The following DCTN1 variants were observed in gnomAD, a reference collection of about 807,000 sequenced individuals.
DCTN1 encodes the protein dynactin subunit 1, also known as 150 kDa dynein-associated polypeptide.
In DCTN1, 61 loss-of-function variants were observed where a neutral mutation model predicts 161.2. The observed-to-expected ratio is 0.38, with a 90% CI of 0.31 to 0.47. The LOEUF is 0.47. DCTN1 is among the 20% of genes least tolerant of loss of function. The probability of loss-of-function intolerance (pLI) is 0.99; values close to 1 mark genes in which losing one functional copy is unlikely to be tolerated. For missense variants in DCTN1, 1,404 were observed against 1,623.7 expected (o/e 0.86, Z 2.33); for synonymous variants, 653 against 632.4 (o/e 1.03, Z -0.49).
At position 74,366,332 on chromosome 2, in the gene DCTN1, T is replaced by G. The variant is rs745930926; in HGVS notation, c.2672A>C (p.Gln891Pro). 6.2e-7 allele frequency: 1 copy of G among 1,614,212 alleles called. No homozygotes were observed. Among genetic ancestry groups the G allele is most frequent in the East Asian group, 2.2e-5 (1 of 44,872 alleles). ...GGTACTGATGAGGATGTTGCATGAC[T>G]GGCGCAGACACTCATAGGGGCTGCT... ...PSSSPYECLR[Q>P]SCNILISTMN... The change falls in exon 23 of 32, where the codon CAG becomes CCG. Residue 891 changes from glutamine (Q) to proline (P), a missense_variant. By Grantham distance (76) the Gln-to-Pro change is moderately conservative. Transcript: ENST00000628224.
At chr2:74,390,281 CG>C (rs1675933900) in intron 1 of DCTN1, among the ~76,000 whole-genome samples, 1 of 152,208 alleles carries the variant, frequency 6.6e-6, no homozygotes, top group Non-Finnish European at 1.5e-5. Flanking sequence ...TTTAGGAAGA[CG>C]GGTAACACTT....
Position 74,366,390 on chromosome 2 carries a change from G to T in DCTN1, c.2629-15C>A. On this transcript the variant is annotated splice_polypyrimidine_tract_variant and intron_variant, in intron 22 of 31. Coordinates refer to ENST00000628224, the MANE Select transcript of DCTN1 (RefSeq NM_004082.5). ...GTCCCATAGATCTGCAGGAGCCAAGGGCAGAAGTAAAAGCCCCACACTGGT... is the reference window on the plus strand; with the variant it reads ...GTCCCATAGATCTGCAGGAGCCAAGTGCAGAAGTAAAAGCCCCACACTGGT... The T allele has an allele frequency of 6.2e-7, 1 of 1,614,136 alleles. No individual in the cohort carries two copies. Among genetic ancestry groups the T allele is most frequent in the South Asian group, 1.1e-5 (1 of 91,082 alleles).
chr2:74,363,365 G>C lies in DCTN1; in HGVS notation c.3274C>G (p.Leu1092Val). Residue 1092 changes from leucine to valine, a missense_variant, in exon 28 of 32, where the codon CTG (leucine) becomes GTG (valine). This residue lies in a region of DCTN1 where 311 missense variants were observed against 298.9 expected (regional missense o/e 1.04). Transcript: ENST00000628224. ...ATGGCAGAGATCTGCTGAAGCAGCA[G>C]TGGTGAGTCCTTCACCAGCCCTGGG... ...PGPGLVKDSP[L>V]LLQQISAMRL... 6.2e-7 allele frequency: 1 copy of C among 1,612,754 alleles called. No homozygotes were observed. Among genetic ancestry groups the C allele is most frequent in the Non-Finnish European group, 8.5e-7 (1 of 1,179,584 alleles).
Position 74,380,144 on chromosome 2 carries a change from A to G in DCTN1, c.-107T>C. ...GCGCTGGGCCCTCATAGAGGGACAC[A>G]GGAGTCGTCAGGCACAGCCCTCCCC... On this transcript the variant is annotated 5_prime_UTR_variant, in exon 1 of 32. Coordinates refer to ENST00000628224, the MANE Select transcript of DCTN1 (RefSeq NM_004082.5). 1 of 1,209,574 alleles carries G rather than the reference A, an allele frequency of 8.3e-7. No individual in the cohort carries two copies. The allele number at this position is 1,209,574 out of a possible 1,614,324, so 74.9% of individuals were successfully genotyped here.
At chr2:74,372,269 T>C (rs1674920491) in intron 7 of DCTN1, among the ~76,000 whole-genome samples, 1 of 152,118 alleles carries the variant, frequency 6.6e-6, no homozygotes, top group Non-Finnish European at 1.5e-5. Context: ...TCAAGCTGAA[T>C]CTCCCTCTCT....
At position 74,375,447 on chromosome 2, in the gene DCTN1, G is replaced by C. The variant is rs536579967; in HGVS notation, c.415-1107C>G. On this transcript the variant is annotated intron_variant, in intron 5 of 31. Transcript: ENST00000628224. ...CCGGGGTGGGGGCACTCAACTGTCT[G>C]ATTGACACTTTCCAACGTGAGTGCA... 3.9e-5 allele frequency among the ~76,000 whole-genome samples: 6 copies of C among 152,340 alleles called. No homozygotes were observed. In the South Asian group the frequency reaches 1.2e-3, roughly 32 times the overall value.
chr2:74,367,053 A>G lies in DCTN1; in HGVS notation c.2308T>C (p.Phe770Leu). 1.2e-6 allele frequency: 2 copies of G among 1,614,218 alleles called. No homozygotes were observed. Among genetic ancestry groups the G allele is most frequent in the Non-Finnish European group, 1.7e-6 (2 of 1,180,032 alleles). The part of the protein sequence containing the change: ...MSVEVGRLRA[F>L]LQGGQEATDI... ...TCTAGATGTGTTCTCACCTGCAAGA[A>G]GGCACGCAGCCGTCCTACCTCCACA... The change falls in exon 20 of 32, where the codon TTC becomes CTC. Residue 770 changes from phenylalanine (F) to leucine (L), a missense_variant. By Grantham distance (22) the Phe-to-Leu change is conservative. This residue lies in a region of DCTN1 where 475 missense variants were observed against 489.8 expected (regional missense o/e 0.97). Transcript: ENST00000628224.
chr2:74,376,757 T>C lies in DCTN1; in HGVS notation c.399A>G (p.Gly133=), dbSNP rs1477266378. ...AACACACCACCTTCTTAGGCTTCAG[T>C]CCCCGCTGCATGAGGAGTAGGAAAG... The part of the protein sequence containing the change: ...DTTAKTSKLR[G]LKPKKAPTAR... The change falls in exon 5 of 32, where the codon GGA becomes GGG. Residue 133 remains glycine, a synonymous_variant. Coordinates refer to ENST00000628224, the MANE Select transcript of DCTN1 (RefSeq NM_004082.5). 6.2e-7 allele frequency: 1 copy of C among 1,604,830 alleles called. No individual in the cohort carries two copies. Among genetic ancestry groups the C allele is most frequent in the African/African-American group, 1.3e-5 (1 of 74,850 alleles).
At position 74,370,735 on chromosome 2, in the gene DCTN1, C is replaced by G; in HGVS notation, c.934G>C (p.Glu312Gln). ...DAIEMATLDKEMAEERAESLQ... is the reference protein window; with the variant it reads ...DAIEMATLDKQMAEERAESLQ... ...GACTCAGCCCGCTCTTCAGCCATCT[C>G]CTTGTCCAAAGTGGCCATCTCAATG... Residue 312 changes from glutamate (E) to glutamine (Q), a missense_variant, in exon 10 of 32, where the codon GAG becomes CAG. Physicochemically the swap from Glu to Gln is conservative, Grantham distance 29 (BLOSUM62 2). Around this residue, in one of 9 missense-constraint regions of DCTN1, gnomAD observed 5 missense variants for 23.4 expected, o/e 0.21. Coordinates refer to ENST00000628224, the MANE Select transcript of DCTN1 (RefSeq NM_004082.5). The surrounding 1 kb of genome is among the most constrained non-coding windows in gnomAD (Gnocchi z 4.4). The G allele has an allele frequency of 6.2e-7, 1 of 1,614,236 alleles. No individual in the cohort carries two copies. The highest frequency in any genetic ancestry group is 8.5e-7 in the Non-Finnish European group (1 of 1,180,054).
At chr2:74,371,801 T>C (rs1573166983) in intron 7 of DCTN1, 73 bp from the exon 8 acceptor site, 2 of 1,208,430 alleles carry the variant, frequency 1.7e-6, no homozygotes, top group Non-Finnish European at 2.4e-6. Context: ...AGAAACAGAA[T>C]ATGAGAATAT....
intron 26 of DCTN1, chr2:74,363,897 A>G: frequency 1.8e-6 from 1 of 544,898 alleles, no homozygotes; most frequent in Non-Finnish European, 3.3e-6. Flanking sequence ...TGCACTGTAC[A>G]AAGTACTTGG....
upstream of DCTN1, among the ~76,000 whole-genome samples, chr2:74,382,594 C>CAAAAAAAAAAAAAA (rs567355218): frequency 3.0e-5 from 2 of 66,970 alleles, no homozygotes; most frequent in Non-Finnish European, 3.3e-5. Flanking sequence ...GACTGAGACT[C>CAAAAAAAAAAAAAA]AAAAAAAAAA....
At chr2:74,383,357 T>C (rs751323314), upstream of DCTN1, among the ~76,000 whole-genome samples, 6 of 152,236 alleles carry the variant, frequency 3.9e-5, no homozygotes, top group Non-Finnish European at 5.9e-5. Flanking sequence ...AAACATTTAT[T>C]GAATAACATT....
At chr2:74,377,798 C>T (rs151329369) in intron 2 of DCTN1, 72 bp from the exon 3 acceptor site, 194 of 1,513,964 alleles carry the variant, frequency 1.3e-4, no homozygotes, top group Non-Finnish European at 1.7e-4. Context: ...GTAATATGGG[C>T]CCCTCCCCAG....
chr2:74,374,982 C>A (rs900011354), intron 5 of DCTN1, among the ~76,000 whole-genome samples: 17 of 152,326 alleles, frequency 1.1e-4, no homozygotes, highest in South Asian at 4.1e-4. Flanking sequence ...CAGTCTCTCT[C>A]ATCATACTCA....
intron 1 of DCTN1, among the ~76,000 whole-genome samples, chr2:74,389,326 G>C (rs187093824): frequency 6.6e-6 from 1 of 152,182 alleles, no homozygotes; most frequent in African/African-American, 2.4e-5. Context: ...ACATCTTCAG[G>C]GGACACTGAG....
Position 74,378,223 on chromosome 2 carries a change from C to G in DCTN1, c.56G>C (p.Ser19Thr), listed in dbSNP as rs1558949233. ...YSRTPSGSRM[S>T]AEASARPLRV... is the part of the protein sequence containing the mutation. Reference sequence around the variant, plus strand: ...CAGAGGCCGGGCGCTTGCCTCCGCACTCATCCTGCTGCCGCTGGGCGTCTG... The same window carrying G: ...CAGAGGCCGGGCGCTTGCCTCCGCAGTCATCCTGCTGCCGCTGGGCGTCTG... The change falls in exon 2 of 32, where the codon AGT (serine) becomes ACT (threonine). Residue 19 changes from serine to threonine, a missense_variant. This residue lies in a region of DCTN1 where 53 missense variants were observed against 54.4 expected (regional missense o/e 0.97). Transcript: ENST00000628224. 1 of 1,610,324 alleles carries G rather than the reference C, an allele frequency of 6.2e-7. No individual in the cohort carries two copies. Among genetic ancestry groups the G allele is most frequent in the East Asian group, 2.2e-5 (1 of 44,888 alleles).
chr2:74,375,700 T>C (rs1280436343), intron 5 of DCTN1, among the ~76,000 whole-genome samples: 1 of 152,210 alleles, frequency 6.6e-6, no homozygotes, highest in Non-Finnish European at 1.5e-5. Flanking sequence ...GCCAAGTTTC[T>C]ATGACTCTGA....
intron 19 of DCTN1, 33 bp from the exon 20 acceptor site, chr2:74,367,140 C>T (rs770213316): frequency 6.2e-7 from 1 of 1,613,102 alleles, no homozygotes; most frequent in South Asian, 1.1e-5. Flanking sequence ...TCATCAGCCC[C>T]CAGCAGGAGC....
Sources: gnomAD v4.1 joint callset for allele counts (sites outside exome capture counted in the v4.1 genomes callset) on GRCh38, gnomAD v4.1.1 for gene constraint, gnomAD v4.1.1 regional missense constraint, Gnocchi (gnomAD v3.1) non-coding constraint, MANE v1.5 for transcripts, NCBI Gene and HGNC (gene_info 2026-07-23, HGNC 2026-07-21) for gene names.